Variants in STXBP5L observed in about 807,000 individuals in gnomAD.
STXBP5L encodes the protein syntaxin-binding protein 5-like.
A neutral mutation model predicts 144.5 loss-of-function variants in STXBP5L; 65 were observed. That is an observed-to-expected ratio of 0.45 (90% CI 0.37 to 0.55). The LOEUF is 0.55. Ranked by LOEUF, STXBP5L falls within the 20% of genes least tolerant of loss-of-function variation. The pLI, the probability that STXBP5L is intolerant of heterozygous loss-of-function variation, is 0.00. For synonymous variants in STXBP5L, 505 were observed against 469.6 expected, an observed-to-expected ratio of 1.08 and a Z score of -0.97; for missense variants, 1,298 against 1,405.5, an observed-to-expected ratio of 0.92 and a Z score of 1.22.
chr3:121,401,032 T>A (rs74506742), intron 22 of STXBP5L, among the ~76,000 whole-genome samples: 6 of 152,146 alleles, frequency 3.9e-5, no homozygotes, highest in East Asian at 3.8e-4. Flanking sequence ...ATTTTTTTTT[T>A]ATATGTTTTG....
chr3:121,395,052 GA>G (rs1331923289), intron 22 of STXBP5L, among the ~76,000 whole-genome samples: 4 of 151,420 alleles, frequency 2.6e-5, no homozygotes, highest in South Asian at 2.1e-4. Context: ...ATAGACAGAT[GA>G]AAAAAAATCT....
intron 19 of STXBP5L, among the ~76,000 whole-genome samples, chr3:121,312,943 G>GTCA (rs1450050958): frequency 4.6e-5 from 7 of 152,260 alleles, no homozygotes; most frequent in African/African-American, 1.7e-4. Flanking sequence ...AACCGCCATT[G>GTCA]TCATCATGGC....
intron 19 of STXBP5L, among the ~76,000 whole-genome samples, chr3:121,286,886 TG>T (rs1482600393): frequency 5.3e-5 from 8 of 151,732 alleles, no homozygotes; most frequent in African/African-American, 1.9e-4. Context: ...GCATTTACTA[TG>T]GCAAGATAAT....
chr3:121,322,418 T>C (rs1172335012), intron 20 of STXBP5L, among the ~76,000 whole-genome samples: 4 of 145,362 alleles, frequency 2.8e-5, no homozygotes, highest in Non-Finnish European at 6.0e-5. Context: ...GCGGAGGTTG[T>C]GGTGAGCTGA....
At chr3:121,188,114 A>C (rs545043760) in intron 9 of STXBP5L, among the ~76,000 whole-genome samples, 15 of 151,980 alleles carry the variant, frequency 9.9e-5, no homozygotes, top group African/African-American at 3.1e-4. Flanking sequence ...ACTGTCAGTA[A>C]CAGACAGATC....
intron 3 of STXBP5L, among the ~76,000 whole-genome samples, chr3:120,968,335 C>T (rs1939840124): frequency 6.6e-6 from 1 of 151,912 alleles, no homozygotes; most frequent in Admixed American, 6.6e-5. Flanking sequence ...TTGTATTGAC[C>T]CCTTCATCAT....
At chr3:121,059,289 G>A (rs539464726) in intron 5 of STXBP5L, among the ~76,000 whole-genome samples, 2 of 152,236 alleles carry the variant, frequency 1.3e-5, no homozygotes, top group East Asian at 3.9e-4. Context: ...TTGTAGATGT[G>A]TGGTGTTATT....
chr3:121,263,556 G>A (rs2050455415), intron 18 of STXBP5L, among the ~76,000 whole-genome samples: 1 of 152,048 alleles, frequency 6.6e-6, no homozygotes, highest in Admixed American at 6.6e-5. Flanking sequence ...CCCAATGCAG[G>A]GAAGCTAAGA....
At chr3:121,138,822 G>T (rs2045371847) in intron 7 of STXBP5L, among the ~76,000 whole-genome samples, 1 of 151,936 alleles carries the variant, frequency 6.6e-6, no homozygotes, top group Admixed American at 6.6e-5. Context: ...CAGGGGAAAT[G>T]CTTCATGACA....
chr3:121,006,609 A>G (rs1336301809), intron 3 of STXBP5L, among the ~76,000 whole-genome samples: 3 of 152,034 alleles, frequency 2.0e-5, no homozygotes, highest in Admixed American at 1.3e-4. Context: ...TTAGCTGGTT[A>G]TTTTGCTTGT....
intron 20 of STXBP5L, among the ~76,000 whole-genome samples, chr3:121,323,273 G>T (rs2044036097): frequency 6.6e-6 from 1 of 152,132 alleles, no homozygotes; most frequent in Non-Finnish European, 1.5e-5. Context: ...CAAGGCCAGT[G>T]TTCACAATGG....
intron 20 of STXBP5L, among the ~76,000 whole-genome samples, chr3:121,353,673 T>C (rs1200612443): frequency 6.6e-6 from 1 of 152,180 alleles, no homozygotes; most frequent in African/African-American, 2.4e-5. Context: ...TTTTTGTGTC[T>C]TTATCTCTTT....
At chr3:121,077,497 G>A (rs1379880164) in intron 5 of STXBP5L, among the ~76,000 whole-genome samples, 1 of 152,152 alleles carries the variant, frequency 6.6e-6, no homozygotes, top group East Asian at 1.9e-4. Flanking sequence ...AGCTCATAAA[G>A]GCAGTGTGGA....
At chr3:121,349,305 G>A (rs1450736113) in intron 20 of STXBP5L, among the ~76,000 whole-genome samples, 1 of 152,092 alleles carries the variant, frequency 6.6e-6, no homozygotes, top group Non-Finnish European at 1.5e-5. Flanking sequence ...TAGTTTGATT[G>A]CACTGTGGTC....
chr3:121,406,772 T>G (rs960228887), intron 22 of STXBP5L, among the ~76,000 whole-genome samples: 4 of 152,060 alleles, frequency 2.6e-5, no homozygotes, highest in Non-Finnish European at 5.9e-5. Context: ...GTCTATGAAA[T>G]AAGAAAATCA....
At chr3:120,938,877 T>C (rs958200754) in intron 2 of STXBP5L, among the ~76,000 whole-genome samples, 18 of 152,114 alleles carry the variant, frequency 1.2e-4, no homozygotes, top group Middle Eastern at 3.4e-3. Context: ...AACTCCTGGG[T>C]TGAAGGGATC....
At chr3:121,204,055 C>T (rs1055870905) in intron 9 of STXBP5L, among the ~76,000 whole-genome samples, 18 of 152,144 alleles carry the variant, frequency 1.2e-4, no homozygotes, top group East Asian at 3.9e-4. Context: ...CTGGCTAACA[C>T]GGTGAAATTC....
At chr3:121,067,129 TTGA>T (rs1560084433) in intron 5 of STXBP5L, among the ~76,000 whole-genome samples, 1 of 152,108 alleles carries the variant, frequency 6.6e-6, no homozygotes, top group East Asian at 1.9e-4. Flanking sequence ...GATAGAATTC[TTGA>T]TTTTTTTCAA....
At chr3:121,267,201 A>AC (rs1264701474) in intron 18 of STXBP5L, among the ~76,000 whole-genome samples, 1 of 152,224 alleles carries the variant, frequency 6.6e-6, no homozygotes, top group African/African-American at 2.4e-5. Context: ...TAATACTGGT[A>AC]CTAAAACAGA....
Sources: gnomAD v4.1 joint callset for allele counts (sites outside exome capture counted in the v4.1 genomes callset) on GRCh38, gnomAD v4.1.1 for gene constraint, MANE v1.5 for transcripts, NCBI Gene and HGNC (gene_info 2026-07-23, HGNC 2026-07-21) for gene names.